Variants in RCOR3 observed in about 807,000 individuals in gnomAD.
The protein encoded by RCOR3 is REST corepressor 3.
A neutral mutation model predicts 64.1 loss-of-function variants in RCOR3; 13 were observed. That is an observed-to-expected ratio of 0.20 (90% CI 0.13 to 0.32). The LOEUF is 0.32. RCOR3 is among the 10% of genes least tolerant of loss of function. The pLI, the probability that RCOR3 is intolerant of heterozygous loss-of-function variation, is 1.00. For synonymous variants in RCOR3, 215 were observed against 239.0 expected (o/e 0.90, Z 0.93); for missense variants, 489 against 701.2 (o/e 0.70, Z 3.42).
chr1:211,291,599 T>C (rs1477651494), intron 8 of RCOR3: 1 of 456,008 alleles, frequency 2.2e-6, no homozygotes, highest in Non-Finnish European at 4.4e-6. Context: ...GCTTACAAAA[T>C]GTAAGAACCT....
chr1:211,309,826 C>T (rs950476272), intron 10 of RCOR3, among the ~76,000 whole-genome samples: 1 of 152,180 alleles, frequency 6.6e-6, no homozygotes, highest in Non-Finnish European at 1.5e-5. Flanking sequence ...ATCACTACCA[C>T]CTGCTAGTTG....
At chr1:211,290,608 G>A (rs1055096632) in intron 8 of RCOR3, among the ~76,000 whole-genome samples, 14 of 151,990 alleles carry the variant, frequency 9.2e-5, no homozygotes, top group Admixed American at 6.6e-4. Context: ...AAACTCCTGG[G>A]CTCAAGCAAT....
intron 7 of RCOR3, among the ~76,000 whole-genome samples, chr1:211,285,071 T>A (rs1698342397): frequency 6.6e-6 from 1 of 152,212 alleles, no homozygotes; most frequent in African/African-American, 2.4e-5. Flanking sequence ...TTCTTGGACC[T>A]TTGCTCTTCA....
chr1:211,269,251 G>A (rs977332963), intron 2 of RCOR3, among the ~76,000 whole-genome samples: 2 of 151,938 alleles, frequency 1.3e-5, no homozygotes, highest in African/African-American at 4.8e-5. Context: ...ATCATCTGAG[G>A]TTGGGAGTTC....
chr1:211,262,208 T>C lies in RCOR3; in HGVS notation c.223+2044T>C, dbSNP rs898046663. Among the ~76,000 whole-genome samples the C allele has an allele frequency of 2.0e-5, 3 of 151,502 alleles. No individual in the cohort carries two copies. The South Asian group carries it at 6.3e-4, about 32-fold the overall frequency. On this transcript the variant is annotated intron_variant, in intron 2 of 11. Coordinates refer to ENST00000419091, the MANE Select transcript of RCOR3 (RefSeq NM_001136223.3). ...ACACGCCACCATGCCTGGCTAATTTTTGTATTTTTAGTAGAGATGGGGTTT... is the reference window on the plus strand; with the variant it reads ...ACACGCCACCATGCCTGGCTAATTTCTGTATTTTTAGTAGAGATGGGGTTT...
rs141665431 is a variant in RCOR3 at position 211,313,558 on chromosome 1, G to A, written c.1452G>A (p.Pro484=). 429 of 1,614,014 alleles carry A rather than the reference G, an allele frequency of 2.7e-4. 1 individual carries two copies. The highest frequency in any genetic ancestry group is 4.5e-4 in the East Asian group (20 of 44,888). ...PLLRPTLPAA[P]ALHRQPPPLQ... ...TTCGTCCAACACTGCCTGCTGCCCC[G>A]GCTCTTCACCGGCAGCCTCCTCCAC... The change falls in exon 12 of 12, where the codon CCG becomes CCA. Residue 484 remains proline (P), a synonymous_variant. Coordinates refer to ENST00000419091, the MANE Select transcript of RCOR3 (RefSeq NM_001136223.3). The surrounding 1 kb of genome is among the most constrained non-coding windows in gnomAD (Gnocchi z 4.7).
chr1:211,279,979 G>C lies in RCOR3; in HGVS notation c.720+663G>C, dbSNP rs138602142. The stretch of plus-strand genomic sequence containing the variant: ...TTGCTACTATGAAAAACAGTTTCCA[G>C]TCTCACTGTAGTCCTTAAGTGCCTC... On this transcript the variant is annotated intron_variant, in intron 7 of 11. Coordinates refer to ENST00000419091, the MANE Select transcript of RCOR3 (RefSeq NM_001136223.3). Among the ~76,000 whole-genome samples, 507 of 152,282 alleles carry C rather than the reference G, an allele frequency of 3.3e-3. 2 individuals carry two copies. Among genetic ancestry groups the C allele is most frequent in the Non-Finnish European group, 3.3e-3 (223 of 68,020 alleles).
intron 5 of RCOR3, among the ~76,000 whole-genome samples, chr1:211,277,147 GTGC>G (rs960739284): frequency 6.6e-6 from 1 of 150,510 alleles, no homozygotes; most frequent in African/African-American, 2.4e-5. Flanking sequence ...TGTCCAGATG[GTGC>G]TGCTTTTTTT....
Position 211,313,954 on chromosome 1 carries a change from A to G in RCOR3, c.*186A>G, listed in dbSNP as rs1701732365. Reference sequence around the variant, plus strand: ...TCAGTTCACTAGACTAAAATGTTTTACAACAAAAAGCCTCCAGTTAGCCTC... The same window carrying G: ...TCAGTTCACTAGACTAAAATGTTTTGCAACAAAAAGCCTCCAGTTAGCCTC... On this transcript the variant is annotated 3_prime_UTR_variant, in exon 12 of 12. Transcript: ENST00000419091. The surrounding 1 kb of genome is among the most constrained non-coding windows in gnomAD (Gnocchi z 4.7). The G allele has an allele frequency of 3.3e-6, 2 of 610,588 alleles. No homozygotes were observed. 37.8% of individuals were successfully genotyped at this position (610,588 alleles called of 1,614,324 possible). A position where few individuals can be genotyped will look rare whatever the true frequency, so the allele number is the denominator to read the frequency against.
At chr1:211,262,891 C>CT (rs1302270356) in intron 2 of RCOR3, among the ~76,000 whole-genome samples, 2 of 136,218 alleles carry the variant, frequency 1.5e-5, no homozygotes, top group Non-Finnish European at 3.1e-5. Context: ...TATTATTATA[C>CT]TTTAAGTTTT....
At chr1:211,275,546 T>C (rs919379656) in intron 4 of RCOR3, among the ~76,000 whole-genome samples, 11 of 152,118 alleles carry the variant, frequency 7.2e-5, no homozygotes, top group African/African-American at 2.7e-4. Flanking sequence ...TAAAAGTTTG[T>C]GCCCTAAATG....
intron 2 of RCOR3, among the ~76,000 whole-genome samples, chr1:211,268,040 T>C (rs930987704): frequency 2.0e-5 from 3 of 152,360 alleles, no homozygotes; most frequent in Non-Finnish European, 4.4e-5. Context: ...TAGCATGATA[T>C]GCCGTTAAGA....
chr1:211,297,365 G>A (rs1230287978), intron 9 of RCOR3, among the ~76,000 whole-genome samples: 2 of 152,078 alleles, frequency 1.3e-5, no homozygotes, highest in African/African-American at 4.8e-5. Flanking sequence ...CTGGAAATCA[G>A]GGAGGTTAAC....
At chr1:211,310,253 CAA>C (rs1572020976) in intron 10 of RCOR3, among the ~76,000 whole-genome samples, 1 of 152,112 alleles carries the variant, frequency 6.6e-6, no homozygotes, top group African/African-American at 2.4e-5. Context: ...TGCTCTTGTC[CAA>C]ATGAGACTGC....
At chr1:211,303,494 A>G (rs1185398449) in intron 9 of RCOR3, 1 of 152,262 alleles carries the variant, frequency 6.6e-6, no homozygotes, top group Admixed American at 6.5e-5. Context: ...TCTACTGTCA[A>G]AGGTCCTTGA....
At chr1:211,292,057 G>T (rs567766287) in intron 8 of RCOR3, among the ~76,000 whole-genome samples, 1 of 152,224 alleles carries the variant, frequency 6.6e-6, no homozygotes, top group East Asian at 1.9e-4. Context: ...GAGCCTAGGA[G>T]TTCAAGGTTT....
chr1:211,278,360 T>A, intron 6 of RCOR3, 119 bp downstream of exon 6: 1 of 1,179,344 alleles, frequency 8.5e-7, no homozygotes, highest in South Asian at 1.4e-5. Context: ...CTTACATTTA[T>A]GTTTCTACTC....
chr1:211,310,180 C>A (rs1558114501), intron 10 of RCOR3, among the ~76,000 whole-genome samples: 1 of 152,148 alleles, frequency 6.6e-6, no homozygotes, highest in Non-Finnish European at 1.5e-5. Context: ...ACCTTTTTCA[C>A]ATCATGGTAC....
In RCOR3 at chr1:211,259,392, C is replaced by G; in HGVS notation, c.-169C>G. On this transcript the variant is annotated 5_prime_UTR_variant, in exon 1 of 12. Transcript: ENST00000419091. Reference sequence around the variant, plus strand: ...TTGTTGTGAGGCGACTGCGCTACTGCCGGAGCGGGGCGGTTATGGCGGCTC... The same window carrying G: ...TTGTTGTGAGGCGACTGCGCTACTGGCGGAGCGGGGCGGTTATGGCGGCTC... 1 of 608,794 alleles carries G rather than the reference C, an allele frequency of 1.6e-6. No homozygotes were observed. The highest frequency in any genetic ancestry group is 2.8e-6 in the Non-Finnish European group (1 of 360,292). 37.7% of individuals were successfully genotyped at this position (608,794 alleles called of 1,614,324 possible).
Sources: gnomAD v4.1 joint callset for allele counts (sites outside exome capture counted in the v4.1 genomes callset) on GRCh38, gnomAD v4.1.1 for gene constraint, Gnocchi (gnomAD v3.1) non-coding constraint, MANE v1.5 for transcripts, NCBI Gene and HGNC (gene_info 2026-07-23, HGNC 2026-07-21) for gene names.